Variants in KCTD20 observed in about 807,000 individuals in gnomAD.
The protein encoded by KCTD20 is BTB/POZ domain-containing protein KCTD20.
Under a neutral mutation model 39.6 loss-of-function variants are expected in KCTD20, and 30 were observed. The observed-to-expected ratio is 0.76, with a 90% CI of 0.57 to 1.03. The LOEUF is 1.03. Ranked by LOEUF, KCTD20 falls within the 50% of genes least tolerant of loss-of-function variation. The pLI is 0.00. For missense variants in KCTD20, 422 were observed against 522.0 expected, an observed-to-expected ratio of 0.81 and a Z score of 1.87; for synonymous variants, 162 against 180.6, an observed-to-expected ratio of 0.90 and a Z score of 0.83.
At chr6:36,467,065 T>C (rs1775776018) in intron 1 of KCTD20, among the ~76,000 whole-genome samples, 1 of 151,908 alleles carries the variant, frequency 6.6e-6, no homozygotes, top group African/African-American at 2.4e-5. Flanking sequence ...CCCAGCACTT[T>C]AGGAGGCCGA....
Position 36,489,374 on chromosome 6 carries a change from C to T in KCTD20, c.*2199C>T, listed in dbSNP as rs1049245157. 1 of 152,122 alleles carries T rather than the reference C, an allele frequency of 6.6e-6. No homozygotes were observed. 9.4% of individuals were successfully genotyped at this position (152,122 alleles called of 1,614,324 possible). The stretch of plus-strand genomic sequence containing the variant: ...TTTGCTCAGGCTTTCAAGATTGAGT[C>T]TTTTTTCCCCCAAATTAGGTTAACA... On this transcript the variant is annotated 3_prime_UTR_variant, in exon 8 of 8. Transcript: ENST00000373731.
chr6:36,487,316 G>A lies in KCTD20; in HGVS notation c.*141G>A. The A allele has an allele frequency of 1.2e-6, 1 of 804,592 alleles. No individual in the cohort carries two copies. Among genetic ancestry groups the A allele is most frequent in the Non-Finnish European group, 2.0e-6 (1 of 505,148 alleles). 49.8% of individuals were successfully genotyped at this position (804,592 alleles called of 1,614,324 possible). On this transcript the variant is annotated 3_prime_UTR_variant, in exon 8 of 8. Coordinates refer to ENST00000373731, the MANE Select transcript of KCTD20 (RefSeq NM_173562.5). Reference sequence around the variant, plus strand: ...TTCCTTTCTGCCATAATTAACATATGTCCTTTTCAGTAAGTCCATGCCTCT... The same window carrying A: ...TTCCTTTCTGCCATAATTAACATATATCCTTTTCAGTAAGTCCATGCCTCT...
intron 3 of KCTD20, among the ~76,000 whole-genome samples, chr6:36,477,151 T>TTA (rs988689129): frequency 6.6e-6 from 1 of 152,186 alleles, no homozygotes; most frequent in African/African-American, 2.4e-5. Context: ...TGTCCTATGA[T>TTA]TATATACAGT....
In KCTD20 at chr6:36,487,196, C is replaced by T. The variant is rs1450016094; in HGVS notation, c.*21C>T. 6.3e-7 allele frequency: 1 copy of T among 1,594,644 alleles called. No homozygotes were observed. ...ATTAGGGCCAGCTGTGGGTCTACTC[C>T]TTGTTGGAGCCCATCTCACCTGGGA... On this transcript the variant is annotated 3_prime_UTR_variant, in exon 8 of 8. Coordinates refer to ENST00000373731, the MANE Select transcript of KCTD20 (RefSeq NM_173562.5).
intron 1 of KCTD20, among the ~76,000 whole-genome samples, chr6:36,462,769 G>A (rs547036452): frequency 2.6e-5 from 4 of 152,078 alleles, no homozygotes; most frequent in African/African-American, 7.2e-5. Context: ...CCTTTTCTTC[G>A]CTGTCAGCCC....
In KCTD20 at chr6:36,474,030, T is replaced by C. The variant is rs973349507; in HGVS notation, c.161-759T>C. On this transcript the variant is annotated intron_variant, in intron 2 of 7. Coordinates refer to ENST00000373731, the MANE Select transcript of KCTD20 (RefSeq NM_173562.5). ...AGTAATATATTGGAAAATTAAAGAC[T>C]ATCATTATCCCTTCTGAAAAATAAA... Among the ~76,000 whole-genome samples, 3 of 152,310 alleles carry C rather than the reference T, an allele frequency of 2.0e-5. No individual in the cohort carries two copies. In the South Asian group the frequency reaches 6.2e-4, roughly 32 times the overall value.
chr6:36,475,415 C>T (rs1776034836), intron 3 of KCTD20, among the ~76,000 whole-genome samples: 1 of 151,514 alleles, frequency 6.6e-6, no homozygotes. Context: ...CACCATTGCA[C>T]TCCAGCCTGG....
intron 3 of KCTD20, among the ~76,000 whole-genome samples, chr6:36,477,481 C>CTTTTT (rs760205169): frequency 6.1e-5 from 8 of 130,944 alleles, no homozygotes; most frequent in Non-Finnish European, 6.5e-5. Flanking sequence ...ATTTTCTTTT[C>CTTTTT]TTTTTTTTTT....
In KCTD20 at chr6:36,487,288, C is replaced by G. The variant is rs987714109; in HGVS notation, c.*113C>G. The G allele has an allele frequency of 4.3e-5, 46 of 1,059,004 alleles. No homozygotes were observed. Among genetic ancestry groups the G allele is most frequent in the Non-Finnish European group, 6.0e-5 (43 of 721,678 alleles). The allele number at this position is 1,059,004 out of a possible 1,614,324, so 65.6% of individuals were successfully genotyped here. Reference sequence around the variant, plus strand: ...GTAGGAGACATGCTTCTCCCCTAACCTTTTCCTTTCTGCCATAATTAACAT... The same window carrying G: ...GTAGGAGACATGCTTCTCCCCTAACGTTTTCCTTTCTGCCATAATTAACAT... On this transcript the variant is annotated 3_prime_UTR_variant, in exon 8 of 8. Transcript: ENST00000373731.
rs544280587 is a variant in KCTD20, at chr6:36,469,299, T to C, written c.-46-753T>C. ...AGGATGGAAGGGTTGCAGGGCGTGATTAACCAGCAGAAAGTTATGAGGCCC... is the reference window on the plus strand; with the variant it reads ...AGGATGGAAGGGTTGCAGGGCGTGACTAACCAGCAGAAAGTTATGAGGCCC... On this transcript the variant is annotated intron_variant, in intron 1 of 7. Transcript: ENST00000373731. The surrounding 1 kb of genome is among the most constrained non-coding windows in gnomAD (Gnocchi z 4.6). 2.2e-4 allele frequency among the ~76,000 whole-genome samples: 34 copies of C among 152,306 alleles called. No individual in the cohort carries two copies. Among genetic ancestry groups the C allele is most frequent in the Non-Finnish European group, 4.1e-4 (28 of 68,028 alleles).
intron 3 of KCTD20, among the ~76,000 whole-genome samples, chr6:36,477,526 G>A (rs1776102899): frequency 6.7e-6 from 1 of 148,874 alleles, no homozygotes; most frequent in Admixed American, 6.7e-5. Flanking sequence ...TGTCGCCCAG[G>A]CTGGAGTGCA....
intron 4 of KCTD20, 35 bp from the exon 5 acceptor site, chr6:36,479,556 T>G: frequency 6.3e-7 from 1 of 1,583,660 alleles, no homozygotes; most frequent in Non-Finnish European, 8.6e-7. Context: ...CATCTTGTTC[T>G]CTGCCTACAT....
chr6:36,471,026 C>T (rs951298072), intron 2 of KCTD20, among the ~76,000 whole-genome samples: 3 of 151,952 alleles, frequency 2.0e-5, no homozygotes, highest in Admixed American at 1.3e-4. Flanking sequence ...TGGCAGATGC[C>T]TGTAATCTCA....
chr6:36,486,856 C>A, intron 7 of KCTD20, 27 bp from the exon 8 acceptor site: 1 of 1,588,556 alleles, frequency 6.3e-7, no homozygotes, highest in South Asian at 1.1e-5. Flanking sequence ...ATTTGTTAGT[C>A]ATGAGAATGG....
rs1043766966 is a variant in KCTD20, at chr6:36,490,561, G to A, written c.*3386G>A. ...CAAAAAAGAAAAAAAAAAATTAAAGGTTTTGGCTGGGTGCAGTGGCTCATG... is the reference window on the plus strand; with the variant it reads ...CAAAAAAGAAAAAAAAAAATTAAAGATTTTGGCTGGGTGCAGTGGCTCATG... On this transcript the variant is annotated 3_prime_UTR_variant, in exon 8 of 8. Coordinates refer to ENST00000373731, the MANE Select transcript of KCTD20 (RefSeq NM_173562.5). 3.0e-4 allele frequency: 45 copies of A among 148,814 alleles called. No individual in the cohort carries two copies. Among genetic ancestry groups the A allele is most frequent in the African/African-American group, 1.0e-3 (40 of 40,018 alleles). 9.2% of individuals were successfully genotyped at this position (148,814 alleles called of 1,614,324 possible). A position where few individuals can be genotyped will look rare whatever the true frequency, so the allele number is the denominator to read the frequency against.
chr6:36,481,411 AC>A, intron 5 of KCTD20, 150 bp from the exon 6 acceptor site: 1 of 627,528 alleles, frequency 1.6e-6, no homozygotes, highest in Non-Finnish European at 2.9e-6. Flanking sequence ...CTTAATTATC[AC>A]CCTGGAGCAG....
At chr6:36,486,826 TG>T in intron 7 of KCTD20, 56 bp from the exon 8 acceptor site, 1 of 1,378,322 alleles carries the variant, frequency 7.3e-7, no homozygotes, top group Non-Finnish European at 1.0e-6. Flanking sequence ...GGAGAAAGTA[TG>T]GACACCAGAG....
At chr6:36,443,340 C>A (rs1258687525) in intron 1 of KCTD20, 3 of 152,224 alleles carry the variant, frequency 2.0e-5, no homozygotes, top group African/African-American at 7.3e-5. Context: ...TCTGGTGATC[C>A]TGGGGAGGGA....
chr6:36,479,251 C>A, intron 4 of KCTD20, 28 bp downstream of exon 4: 1 of 1,503,966 alleles, frequency 6.6e-7, no homozygotes, highest in South Asian at 1.1e-5. Flanking sequence ...TTGTTACATT[C>A]TCTTCCTCAG....
Sources: gnomAD v4.1 joint callset for allele counts (sites outside exome capture counted in the v4.1 genomes callset) on GRCh38, gnomAD v4.1.1 for gene constraint, Gnocchi (gnomAD v3.1) non-coding constraint, MANE v1.5 for transcripts, NCBI Gene and HGNC (gene_info 2026-07-23, HGNC 2026-07-21) for gene names.